The following ABCC1 variants were observed in gnomAD, a reference collection of about 807,000 sequenced individuals.
ABCC1 encodes the protein ATP binding cassette subfamily C member 1 (ABCC1 blood group), also known as multidrug resistance-associated protein 1.
ABCC1 carries 83 observed loss-of-function variants against 172.9 expected under a neutral mutation model. The observed-to-expected ratio is 0.48, with a 90% CI of 0.40 to 0.58. The LOEUF (loss-of-function observed/expected upper bound fraction) is 0.58. Ranked by LOEUF, ABCC1 falls within the 20% of genes least tolerant of loss-of-function variation. ABCC1 has a pLI of 0.00. For synonymous variants in ABCC1, 937 were observed against 825.2 expected (o/e 1.14, Z -2.32); for missense variants, 1,817 against 2,002.7 (o/e 0.91, Z 1.77).
chr16:16,089,022 A>G (rs2051130457), intron 18 of ABCC1, among the ~76,000 whole-genome samples: 1 of 152,166 alleles, frequency 6.6e-6, no homozygotes, highest in Admixed American at 6.5e-5. Flanking sequence ...TCTTTAAAGC[A>G]TCGTCTACAG....
chr16:16,078,366 C>T (rs2050669304), intron 15 of ABCC1, among the ~76,000 whole-genome samples: 1 of 152,112 alleles, frequency 6.6e-6, no homozygotes. Flanking sequence ...GAATGCTGAG[C>T]TTATTTTATT....
intron 15 of ABCC1, among the ~76,000 whole-genome samples, chr16:16,078,359 T>C (rs931811239): frequency 2.6e-5 from 4 of 152,146 alleles, no homozygotes; most frequent in African/African-American, 9.7e-5. Flanking sequence ...ACTGGGTGAA[T>C]GCTGAGCTTA....
At chr16:16,092,401 C>G (rs2051290901) in intron 19 of ABCC1, among the ~76,000 whole-genome samples, 1 of 152,210 alleles carries the variant, frequency 6.6e-6, no homozygotes, top group African/African-American at 2.4e-5. Context: ...CCCAGCACCT[C>G]CGAAGCCCTA....
At chr16:16,035,138 ATGC>A (rs1264193042) in intron 6 of ABCC1, among the ~76,000 whole-genome samples, 1 of 152,196 alleles carries the variant, frequency 6.6e-6, no homozygotes, top group Non-Finnish European at 1.5e-5. Context: ...ACGGTGGCTC[ATGC>A]CTGTAATGTT....
intron 1 of ABCC1, among the ~76,000 whole-genome samples, chr16:15,952,716 TAAAAAA>T (rs57105111): frequency 4.0e-4 from 16 of 40,288 alleles, no homozygotes; most frequent in African/African-American, 9.1e-4. Context: ...GTGAGTTCAT[TAAAAAA>T]AAAAAAAAAA....
At chr16:15,989,068 C>CA (rs35441399) in intron 1 of ABCC1, among the ~76,000 whole-genome samples, 60 of 76,642 alleles carry the variant, frequency 7.8e-4, no homozygotes, top group East Asian at 3.4e-3. Flanking sequence ...GACTCTGTCT[C>CA]AAAAAAAAAA....
intron 12 of ABCC1, among the ~76,000 whole-genome samples, chr16:16,065,443 G>A (rs1346630340): frequency 6.6e-6 from 1 of 151,722 alleles, no homozygotes; most frequent in African/African-American, 2.4e-5. Flanking sequence ...TAATATTATT[G>A]TTGTTTTGAG....
chr16:16,027,956 C>T (rs2048432701), intron 5 of ABCC1, among the ~76,000 whole-genome samples: 3 of 152,108 alleles, frequency 2.0e-5, no homozygotes, highest in Non-Finnish European at 4.4e-5. Context: ...TAAGTACTTA[C>T]CATGTTTGAT....
chr16:16,001,422 G>A (rs1184545234), intron 1 of ABCC1, among the ~76,000 whole-genome samples: 1 of 151,798 alleles, frequency 6.6e-6, no homozygotes, highest in Non-Finnish European at 1.5e-5. Context: ...CTGTGGTCTC[G>A]ATCTGCTGAC....
At chr16:16,042,385 A>G (rs1016286923) in intron 7 of ABCC1, among the ~76,000 whole-genome samples, 1 of 152,096 alleles carries the variant, frequency 6.6e-6, no homozygotes, top group Non-Finnish European at 1.5e-5. Flanking sequence ...ACATCTGCAC[A>G]ACTGAATACT....
intron 15 of ABCC1, among the ~76,000 whole-genome samples, chr16:16,078,414 A>G (rs77241876): frequency 0.011 from 1,617 of 152,248 alleles, 29 homozygotes; most frequent in African/African-American, 0.036. Flanking sequence ...ATTTCAATAG[A>G]GACATCTTCC....
rs1392216286 is a variant in ABCC1 at position 16,083,545 on chromosome 16, C to A, written c.2292+3C>A. 1 of 1,610,370 alleles carries A rather than the reference C, an allele frequency of 6.2e-7. No homozygotes were observed. The highest frequency in any genetic ancestry group is 1.3e-5 in the African/African-American group (1 of 74,964). ...ATCGGACAGAGATTGGCGAGAAGGT[C>A]AGTATAGGTTGGATGTTGGCCCCTG... On this transcript the variant is annotated splice_donor_region_variant and intron_variant, in intron 17 of 30. Coordinates refer to ENST00000399410, the MANE Select transcript of ABCC1 (RefSeq NM_004996.4).
At chr16:16,112,992 C>T (rs2044687980) in intron 22 of ABCC1, among the ~76,000 whole-genome samples, 1 of 152,192 alleles carries the variant, frequency 6.6e-6, no homozygotes, top group South Asian at 2.1e-4. Context: ...TATTGGGTGT[C>T]TTCCCGATTA....
intron 4 of ABCC1, 41 bp downstream of exon 4, chr16:16,014,669 C>T (rs752455415): frequency 2.1e-5 from 33 of 1,607,910 alleles, no homozygotes; most frequent in Admixed American, 8.4e-5. Context: ...TCAGTGGACC[C>T]GGAGGGAGAG....
intron 20 of ABCC1, among the ~76,000 whole-genome samples, chr16:16,104,722 G>A (rs552766010): frequency 1.3e-5 from 2 of 152,310 alleles, no homozygotes; most frequent in Admixed American, 1.3e-4. Flanking sequence ...AGCAGGGGCG[G>A]CACTCGTCCG....
chr16:15,954,371 C>T (rs909548094), intron 1 of ABCC1, among the ~76,000 whole-genome samples: 3 of 152,072 alleles, frequency 2.0e-5, no homozygotes, highest in Non-Finnish European at 2.9e-5. Flanking sequence ...CAGACCCTTC[C>T]TCTCTCCCTT....
In ABCC1 at chr16:16,076,625, G is replaced by GT. The variant is rs553011233; in HGVS notation, c.1988+225dup. On this transcript the variant is annotated intron_variant, in intron 15 of 30. Coordinates refer to ENST00000399410, the MANE Select transcript of ABCC1 (RefSeq NM_004996.4). The stretch of plus-strand genomic sequence containing the variant: ...CTAGCACAGAGGGTTCCCTGGGATT[G>GT]TAAGTTACAGCAGCCTTGGACAGCT... Among the ~76,000 whole-genome samples the GT allele has an allele frequency of 9.5e-4, 144 of 152,342 alleles. No homozygotes were observed. The Middle Eastern group carries it at 0.017, about 18-fold the overall frequency.
At chr16:16,040,605 T>TTTA (rs1295912675) in intron 7 of ABCC1, among the ~76,000 whole-genome samples, 2 of 151,434 alleles carry the variant, frequency 1.3e-5, no homozygotes, top group African/African-American at 4.9e-5. Flanking sequence ...TTTATTTTAT[T>TTTA]TTATTATTAT....
At chr16:16,100,912 C>A (rs1286538833) in intron 19 of ABCC1, among the ~76,000 whole-genome samples, 2 of 152,236 alleles carry the variant, frequency 1.3e-5, no homozygotes, top group African/African-American at 4.8e-5. Flanking sequence ...GTTCCTGGAG[C>A]TCTAATCGAG....
Sources: allele counts gnomAD v4.1 joint callset (sites outside exome capture counted in the v4.1 genomes callset), GRCh38; gene constraint gnomAD v4.1.1; transcripts MANE v1.5; gene names NCBI Gene and HGNC (gene_info 2026-07-23, HGNC 2026-07-21).